CYRIB: variants seen among roughly 807,000 people sequenced by gnomAD.
CYRIB encodes the protein CYFIP related Rac1 interactor B, also known as CYFIP-related Rac1 interactor B.
CYRIB carries 8 observed loss-of-function variants against 44.2 expected under a neutral mutation model. The ratio of observed to expected loss-of-function variants is 0.18; its 90% CI spans 0.11 to 0.33. The LOEUF is 0.33. CYRIB is among the 10% of genes least tolerant of loss of function. CYRIB has a pLI of 1.00. For missense variants in CYRIB, 185 were observed against 382.8 expected (o/e 0.48, Z 4.31); for synonymous variants, 131 against 127.2 (o/e 1.03, Z -0.20).
chr8:129,953,776 A>C (rs1046185981), intron 2 of CYRIB, among the ~76,000 whole-genome samples: 2 of 152,198 alleles, frequency 1.3e-5, no homozygotes, highest in African/African-American at 4.8e-5. Context: ...GAACCAGGGA[A>C]TCAGATAAGC....
chr8:129,992,294 AAAAAAT>A (rs1274528325), intron 1 of CYRIB, among the ~76,000 whole-genome samples: 2 of 152,210 alleles, frequency 1.3e-5, no homozygotes, highest in African/African-American at 4.8e-5. Context: ...ACCCTGCCTC[AAAAAAT>A]AAAAATAAAA....
chr8:129,874,314 T>C (rs1010678018), intron 3 of CYRIB, among the ~76,000 whole-genome samples: 2 of 152,116 alleles, frequency 1.3e-5, no homozygotes, highest in African/African-American at 4.8e-5. Flanking sequence ...TTATTGAAGG[T>C]AAATTAAAAA....
intron 1 of CYRIB, among the ~76,000 whole-genome samples, chr8:129,936,285 T>TG (rs1225532807): frequency 6.6e-6 from 1 of 152,206 alleles, no homozygotes; most frequent in Admixed American, 6.5e-5. Context: ...TATTTAATTA[T>TG]GATTAATGGC....
chr8:129,886,090 A>T lies in CYRIB; in HGVS notation c.-10-6619T>A, dbSNP rs887951839. On this transcript the variant is annotated intron_variant, in intron 2 of 11. Transcript: ENST00000519824. Reference sequence around the variant, plus strand: ...AGGACTTCATGTGCCCTCTACTACAACATCATCTTTCCTGTCCTCTTTATA... The same window carrying T: ...AGGACTTCATGTGCCCTCTACTACATCATCATCTTTCCTGTCCTCTTTATA... 2.6e-5 allele frequency among the ~76,000 whole-genome samples: 4 copies of T among 152,080 alleles called. No homozygotes were observed. In the East Asian group the frequency reaches 5.8e-4, roughly 22 times the overall value.
intron 1 of CYRIB, among the ~76,000 whole-genome samples, chr8:129,915,358 C>T (rs995359664): frequency 6.6e-5 from 10 of 152,156 alleles, no homozygotes; most frequent in Non-Finnish European, 1.5e-4. Context: ...CTCAAAATCA[C>T]TATGCTGAGT....
chr8:129,983,440 A>C (rs1443457071), intron 1 of CYRIB, among the ~76,000 whole-genome samples: 2 of 152,104 alleles, frequency 1.3e-5, no homozygotes, highest in Non-Finnish European at 2.9e-5. Flanking sequence ...GCAAGACTCC[A>C]TCTCAACAAA....
chr8:129,926,289 A>G (rs945565824), intron 1 of CYRIB, among the ~76,000 whole-genome samples: 1 of 152,256 alleles, frequency 6.6e-6, no homozygotes, highest in African/African-American at 2.4e-5. Flanking sequence ...ACCTTGTACA[A>G]TAACACTTCA....
chr8:129,889,576 A>G (rs2064221699), intron 2 of CYRIB, among the ~76,000 whole-genome samples: 1 of 152,154 alleles, frequency 6.6e-6, no homozygotes, highest in South Asian at 2.1e-4. Flanking sequence ...CATCAATAGG[A>G]GTTTGAAAGA....
chr8:129,875,374 T>C (rs2058759558), intron 3 of CYRIB, among the ~76,000 whole-genome samples: 1 of 151,846 alleles, frequency 6.6e-6, no homozygotes, highest in Non-Finnish European at 1.5e-5. Flanking sequence ...CCCAGCTAAT[T>C]AAAAAATTTT....
chr8:129,969,876 G>T (rs182351213), intron 2 of CYRIB, among the ~76,000 whole-genome samples: 90 of 152,330 alleles, frequency 5.9e-4, no homozygotes, highest in African/African-American at 1.8e-3. Context: ...CAAGAGAGAC[G>T]CCCATTGGGT....
intron 1 of CYRIB, among the ~76,000 whole-genome samples, chr8:129,982,279 TC>T (rs2096267736): frequency 6.6e-6 from 1 of 152,208 alleles, no homozygotes; most frequent in African/African-American, 2.4e-5. Context: ...AATAGAACCT[TC>T]TGCCTCGATG....
chr8:130,017,025 T>G (rs1465006122), upstream of CYRIB: 1 of 152,328 alleles, frequency 6.6e-6, no homozygotes, highest in Non-Finnish European at 1.5e-5. Flanking sequence ...CACCTGGACT[T>G]CAGGAATGGT....
intron 2 of CYRIB, among the ~76,000 whole-genome samples, chr8:129,889,669 G>A (rs1020394277): frequency 2.3e-4 from 35 of 152,276 alleles, no homozygotes; most frequent in African/African-American, 7.7e-4. Context: ...GAAATACCAA[G>A]AGAACTAGAG....
chr8:129,840,358 A>G (rs2130758050), exon 12 of CYRIB: 1 of 152,362 alleles, frequency 6.6e-6, no homozygotes, highest in East Asian at 1.9e-4. Context: ...CATGGCCTTC[A>G]GCTCTGTGTG....
intron 6 of CYRIB, 73 bp downstream of exon 8, chr8:129,855,538 C>G: frequency 2.0e-6 from 3 of 1,473,728 alleles, no homozygotes; most frequent in Non-Finnish European, 2.8e-6. Context: ...ACAATGTTTC[C>G]CGGCTCTTCC....
At chr8:129,915,506 A>C (rs1041394943) in intron 1 of CYRIB, among the ~76,000 whole-genome samples, 4 of 152,214 alleles carry the variant, frequency 2.6e-5, no homozygotes, top group African/African-American at 9.7e-5. Flanking sequence ...TAGGAAACGC[A>C]AACTAATATA....
At chr8:129,905,684 A>G (rs1479573972) in intron 1 of CYRIB, among the ~76,000 whole-genome samples, 1 of 152,184 alleles carries the variant, frequency 6.6e-6, no homozygotes, top group African/African-American at 2.4e-5. Context: ...CCAGAAATAA[A>G]CAAAACAAGT....
At chr8:129,849,145 T>G in intron 10 of CYRIB, 98 bp downstream of exon 12, 1 of 1,168,668 alleles carries the variant, frequency 8.6e-7, no homozygotes, top group South Asian at 1.6e-5. Flanking sequence ...ATCTGAGTTT[T>G]GTGAGAGTCC....
At chr8:129,990,339 T>A (rs918680611) in intron 1 of CYRIB, among the ~76,000 whole-genome samples, 2 of 152,220 alleles carry the variant, frequency 1.3e-5, no homozygotes, top group Non-Finnish European at 2.9e-5. Context: ...GCATGCTTTA[T>A]ATATCTAGAT....
Sources: allele counts gnomAD v4.1 joint callset (sites outside exome capture counted in the v4.1 genomes callset), GRCh38; gene constraint gnomAD v4.1.1; transcripts MANE v1.5; gene names NCBI Gene and HGNC (gene_info 2026-07-23, HGNC 2026-07-21).